CRTAC1: variants seen among roughly 807,000 people sequenced by gnomAD.
CRTAC1 encodes the protein cartilage acidic protein 1.
In CRTAC1, 37 loss-of-function variants were observed where a neutral mutation model predicts 67.8. The observed-to-expected ratio is 0.55, with a 90% CI of 0.42 to 0.72. The LOEUF (loss-of-function observed/expected upper bound fraction) is 0.72. Ranked by LOEUF, CRTAC1 falls within the 30% of genes least tolerant of loss-of-function variation. The pLI is 0.00. For synonymous variants in CRTAC1, 348 were observed against 371.0 expected (o/e 0.94, Z 0.71); for missense variants, 780 against 931.6 (o/e 0.84, Z 2.12).
At chr10:97,909,745 C>T (rs58190200) in intron 5 of CRTAC1, among the ~76,000 whole-genome samples, 4,436 of 152,240 alleles carry the variant, frequency 0.029, 208 homozygotes, top group African/African-American at 0.099. Flanking sequence ...TGAAGAGATA[C>T]CTGCACTCTG....
chr10:97,919,204 C>A, intron 4 of CRTAC1, among the ~76,000 whole-genome samples: 1 of 152,120 alleles, frequency 6.6e-6, no homozygotes, highest in Non-Finnish European at 1.5e-5. Flanking sequence ...TTAGAGTCTC[C>A]TGGGTGACAC....
At chr10:97,981,184 T>G (rs536869312) in intron 2 of CRTAC1, among the ~76,000 whole-genome samples, 2 of 152,204 alleles carry the variant, frequency 1.3e-5, no homozygotes, top group African/African-American at 2.4e-5. Context: ...GATCCTATAA[T>G]TATGATCATT....
intron 2 of CRTAC1, among the ~76,000 whole-genome samples, chr10:97,939,235 G>A (rs1590223816): frequency 6.6e-6 from 1 of 152,300 alleles, no homozygotes; most frequent in East Asian, 1.9e-4. Context: ...AGTAGCTGGG[G>A]TACACACAAG....
intron 2 of CRTAC1, among the ~76,000 whole-genome samples, chr10:97,993,469 C>T (rs1303071969): frequency 6.6e-6 from 1 of 152,058 alleles, no homozygotes; most frequent in Non-Finnish European, 1.5e-5. Context: ...CTGTTATTTC[C>T]ATATATGCCT....
chr10:97,978,668 G>T (rs913843628), intron 2 of CRTAC1, among the ~76,000 whole-genome samples: 1 of 152,134 alleles, frequency 6.6e-6, no homozygotes, highest in African/African-American at 2.4e-5. Flanking sequence ...GTCCTTGAGG[G>T]CTACCTCCTT....
chr10:97,906,509 A>G (rs1210326638), intron 6 of CRTAC1, among the ~76,000 whole-genome samples: 2 of 152,092 alleles, frequency 1.3e-5, no homozygotes, highest in Non-Finnish European at 2.9e-5. Context: ...CTCCCGCCTG[A>G]TACCTTCTCC....
At chr10:97,892,852 A>G (rs1363675827) in intron 11 of CRTAC1, among the ~76,000 whole-genome samples, 1 of 152,200 alleles carries the variant, frequency 6.6e-6, no homozygotes, top group Non-Finnish European at 1.5e-5. Flanking sequence ...TAGCCCAAGA[A>G]AATGATCATA....
intron 4 of CRTAC1, among the ~76,000 whole-genome samples, chr10:97,920,534 G>A (rs1270668458): frequency 1.3e-5 from 2 of 152,124 alleles, no homozygotes; most frequent in Non-Finnish European, 2.9e-5. Context: ...CCCATCCCCT[G>A]AGTTTCTGAC....
chr10:97,913,106 A>C (rs1417501579), intron 5 of CRTAC1, among the ~76,000 whole-genome samples: 1 of 150,074 alleles, frequency 6.7e-6, no homozygotes, highest in Non-Finnish European at 1.5e-5. Flanking sequence ...GTGGTGCAGG[A>C]ATGGGCACAG....
chr10:97,947,137 G>A (rs2051278591), intron 2 of CRTAC1, among the ~76,000 whole-genome samples: 1 of 152,228 alleles, frequency 6.6e-6, no homozygotes, highest in Non-Finnish European at 1.5e-5. Flanking sequence ...AGGAGCCAAT[G>A]AATGCTTCAC....
At chr10:97,952,090 C>T (rs1269911732) in intron 2 of CRTAC1, among the ~76,000 whole-genome samples, 1 of 152,204 alleles carries the variant, frequency 6.6e-6, no homozygotes, top group Non-Finnish European at 1.5e-5. Flanking sequence ...TGGTGGCCCA[C>T]ACCTGTAATT....
chr10:97,918,795 G>T (rs372892907), intron 4 of CRTAC1, among the ~76,000 whole-genome samples: 74 of 146,828 alleles, frequency 5.0e-4, no homozygotes, highest in Admixed American at 1.4e-3. Flanking sequence ...GGTGTTTTTT[G>T]TTTTTTTTTT....
intron 2 of CRTAC1, among the ~76,000 whole-genome samples, chr10:97,968,674 G>A (rs1020481042): frequency 3.9e-5 from 6 of 152,158 alleles, no homozygotes; most frequent in East Asian, 1.9e-4. Context: ...AGGCAGTGCC[G>A]CCCCAGCTTT....
At chr10:97,984,759 T>C (rs1019886799) in intron 2 of CRTAC1, among the ~76,000 whole-genome samples, 7 of 152,152 alleles carry the variant, frequency 4.6e-5, no homozygotes, top group Non-Finnish European at 8.8e-5. Flanking sequence ...AGTGGGATTC[T>C]TTGATTGTAA....
At chr10:98,023,276 T>C (rs919355266) in intron 1 of CRTAC1, among the ~76,000 whole-genome samples, 11 of 152,192 alleles carry the variant, frequency 7.2e-5, no homozygotes, top group African/African-American at 1.9e-4. Context: ...AGGGGACCTT[T>C]GGAGGTTTAC....
chr10:97,933,918 C>T (rs1053902729), intron 3 of CRTAC1, among the ~76,000 whole-genome samples: 9 of 152,172 alleles, frequency 5.9e-5, no homozygotes, highest in African/African-American at 1.9e-4. Flanking sequence ...TGGAGTGCAG[C>T]TTAGCTGGGA....
At chr10:97,943,179 C>G (rs1175160745) in intron 2 of CRTAC1, among the ~76,000 whole-genome samples, 1 of 151,790 alleles carries the variant, frequency 6.6e-6, no homozygotes, top group Non-Finnish European at 1.5e-5. Flanking sequence ...ACAAAGAGTG[C>G]AAGACCGAGA....
chr10:97,972,648 G>A (rs765363401), intron 2 of CRTAC1, among the ~76,000 whole-genome samples: 6 of 152,182 alleles, frequency 3.9e-5, no homozygotes, highest in Non-Finnish European at 7.3e-5. Flanking sequence ...ATATATAGTA[G>A]CAAAAAATAA....
intron 2 of CRTAC1, among the ~76,000 whole-genome samples, chr10:97,979,602 C>G (rs1283280995): frequency 6.6e-6 from 1 of 152,150 alleles, no homozygotes; most frequent in Non-Finnish European, 1.5e-5. Context: ...TCTTCTTTTA[C>G]CAGTGTTTTT....
Sources: allele counts gnomAD v4.1 joint callset (sites outside exome capture counted in the v4.1 genomes callset), GRCh38; gene constraint gnomAD v4.1.1; transcripts MANE v1.5; gene names NCBI Gene and HGNC (gene_info 2026-07-23, HGNC 2026-07-21).